KCTD1: variants seen among roughly 807,000 people sequenced by gnomAD.
The protein encoded by KCTD1 is potassium channel tetramerization domain containing 1, also known as BTB/POZ domain-containing protein KCTD1.
A neutral mutation model predicts 66.0 loss-of-function variants in KCTD1; 24 were observed. The ratio of observed to expected loss-of-function variants is 0.36; its 90% CI spans 0.26 to 0.51. The LOEUF is 0.51. KCTD1 is among the 20% of genes least tolerant of loss of function. The pLI is 0.95. For missense variants in KCTD1, 943 were observed against 1,205.2 expected (o/e 0.78, Z 3.22); for synonymous variants, 511 against 517.2 (o/e 0.99, Z 0.16).
intron 1 of KCTD1, among the ~76,000 whole-genome samples, chr18:26,596,137 G>A (rs1224548457): frequency 1.3e-5 from 2 of 152,176 alleles, no homozygotes; most frequent in African/African-American, 4.8e-5. Flanking sequence ...TTCATGTGTT[G>A]AAGCCCTAAC....
At chr18:26,499,635 C>G (rs1216729505) in intron 2 of KCTD1, among the ~76,000 whole-genome samples, 1 of 152,048 alleles carries the variant, frequency 6.6e-6, no homozygotes, top group Non-Finnish European at 1.5e-5. Context: ...GATTTTAAAA[C>G]AAAAAACAAA....
chr18:26,500,474 T>G (rs1453285266), intron 2 of KCTD1, among the ~76,000 whole-genome samples: 1 of 152,038 alleles, frequency 6.6e-6, no homozygotes, highest in African/African-American at 2.4e-5. Context: ...GGAGGAGATA[T>G]CTCATAAACA....
At chr18:26,553,818 C>A (rs2144861743) in intron 1 of KCTD1, among the ~76,000 whole-genome samples, 1 of 115,906 alleles carries the variant, frequency 8.6e-6, no homozygotes. Context: ...AAACTAAGGC[C>A]AGAGAGGGTA....
upstream of KCTD1, among the ~76,000 whole-genome samples, chr18:26,551,594 C>T (rs185564133): frequency 6.6e-6 from 1 of 152,002 alleles, no homozygotes; most frequent in Admixed American, 6.5e-5. Flanking sequence ...CTATAGGAGT[C>T]ACGGGAAGAA....
At chr18:26,643,693 T>G (rs1185431672), upstream of KCTD1, among the ~76,000 whole-genome samples, 1 of 152,120 alleles carries the variant, frequency 6.6e-6, no homozygotes, top group Non-Finnish European at 1.5e-5. Context: ...CCGGGTGCGG[T>G]GGCTCACGCC....
At chr18:26,510,809 T>C (rs1362547531) in intron 1 of KCTD1, among the ~76,000 whole-genome samples, 1 of 152,228 alleles carries the variant, frequency 6.6e-6, no homozygotes, top group Non-Finnish European at 1.5e-5. Context: ...ACAGCTCAAA[T>C]ATAGCTACTA....
intron 2 of KCTD1, among the ~76,000 whole-genome samples, chr18:26,499,998 G>A (rs1982672248): frequency 6.6e-6 from 1 of 152,206 alleles, no homozygotes; most frequent in Admixed American, 6.5e-5. Flanking sequence ...GGGTGGTTGG[G>A]GCAAGGTGCA....
chr18:26,541,391 T>TA (rs1396660153), intron 1 of KCTD1, among the ~76,000 whole-genome samples: 1 of 152,238 alleles, frequency 6.6e-6, no homozygotes, highest in Non-Finnish European at 1.5e-5. Context: ...ACTTTTCACT[T>TA]ACGATACTGT....
chr18:26,608,100 A>C (rs2144986193), intron 1 of KCTD1, among the ~76,000 whole-genome samples: 1 of 152,320 alleles, frequency 6.6e-6, no homozygotes, highest in South Asian at 2.1e-4. Context: ...CAATTGTTTG[A>C]TTTAGTTTTC....
At chr18:26,648,821 C>CT (rs1255780097) in intron 1 of KCTD1, among the ~76,000 whole-genome samples, 1 of 152,226 alleles carries the variant, frequency 6.6e-6, no homozygotes, top group East Asian at 1.9e-4. Flanking sequence ...GGGCAAGTTA[C>CT]TTTATCTCTC....
chr18:26,463,021 G>GT (rs998241085), intron 3 of KCTD1, among the ~76,000 whole-genome samples: 4 of 152,154 alleles, frequency 2.6e-5, no homozygotes, highest in African/African-American at 9.7e-5. Flanking sequence ...TTCAGCACCT[G>GT]TTTTTCTGAA....
intron 1 of KCTD1, among the ~76,000 whole-genome samples, chr18:26,623,584 T>C (rs1228579553): frequency 6.6e-6 from 1 of 152,202 alleles, no homozygotes; most frequent in Non-Finnish European, 1.5e-5. Context: ...TCCACCATAA[T>C]TGTAAGTTTC....
At chr18:26,456,240 C>CTGTT in intron 4 of KCTD1, 1 of 202,124 alleles carries the variant, frequency 4.9e-6, no homozygotes, top group Non-Finnish European at 9.9e-6. Flanking sequence ...CTCAAATCTC[C>CTGTT]TGTTTTTGTA....
chr18:26,525,180 A>G (rs1374813850), intron 1 of KCTD1, among the ~76,000 whole-genome samples: 1 of 152,132 alleles, frequency 6.6e-6, no homozygotes, highest in Non-Finnish European at 1.5e-5. Context: ...ATCAGTATGG[A>G]CTTTCCAGAA....
intron 2 of KCTD1, among the ~76,000 whole-genome samples, chr18:26,481,355 G>A (rs1483502621): frequency 1.3e-5 from 2 of 152,176 alleles, no homozygotes; most frequent in Non-Finnish European, 2.9e-5. Context: ...AGAAGAAGTT[G>A]GCCAGGTACA....
At chr18:26,518,947 TGTAA>T (rs1341568756) in intron 1 of KCTD1, among the ~76,000 whole-genome samples, 1 of 152,244 alleles carries the variant, frequency 6.6e-6, no homozygotes, top group Non-Finnish European at 1.5e-5. Context: ...AAGTAAACTT[TGTAA>T]GTATTATAAA....
At chr18:26,545,801 A>C (rs1176323501) in intron 1 of KCTD1, 2 of 152,148 alleles carry the variant, frequency 1.3e-5, no homozygotes, top group Non-Finnish European at 2.9e-5. Flanking sequence ...GAAGAATCTA[A>C]CACTAGAGGC....
intron 1 of KCTD1, among the ~76,000 whole-genome samples, chr18:26,531,191 T>G (rs780603063): frequency 2.6e-4 from 40 of 152,104 alleles, no homozygotes; most frequent in Admixed American, 5.9e-4. Flanking sequence ...ATAAAATGAA[T>G]GAAATAAAAT....
chr18:26,549,513 A>AC (rs1985457786), upstream of KCTD1: 2 of 941,358 alleles, frequency 2.1e-6, no homozygotes, highest in Admixed American at 1.2e-4. Context: ...GGCGCTTGGG[A>AC]CCCCAGGGGC....
Sources: gnomAD v4.1 joint callset for allele counts (sites outside exome capture counted in the v4.1 genomes callset) on GRCh38, gnomAD v4.1.1 for gene constraint, MANE v1.5 for transcripts, NCBI Gene and HGNC (gene_info 2026-07-23, HGNC 2026-07-21) for gene names.